Variants in IMMP2L observed in about 807,000 individuals in gnomAD.
IMMP2L encodes the protein mitochondrial inner membrane protease subunit 2.
A neutral mutation model predicts 19.3 loss-of-function variants in IMMP2L; 18 were observed. The observed-to-expected ratio is 0.93, with a 90% CI of 0.64 to 1.38. The LOEUF (loss-of-function observed/expected upper bound fraction) is 1.38. IMMP2L is among the 40% of genes most tolerant of loss of function. IMMP2L has a pLI of 0.00. For missense variants in IMMP2L, 233 were observed against 218.2 expected (o/e 1.07, Z -0.43); for synonymous variants, 76 against 73.0 (o/e 1.04, Z -0.21).
intron 4 of IMMP2L, among the ~76,000 whole-genome samples, chr7:110,928,933 G>A (rs1193419420): frequency 6.6e-6 from 1 of 152,060 alleles, no homozygotes; most frequent in Non-Finnish European, 1.5e-5. Flanking sequence ...TCCTGGTGCT[G>A]ATCTCCACCT....
At chr7:111,114,639 G>T (rs1349490423) in intron 3 of IMMP2L, among the ~76,000 whole-genome samples, 2 of 151,650 alleles carry the variant, frequency 1.3e-5, no homozygotes, top group African/African-American at 4.9e-5. Context: ...GGGAGGCTGA[G>T]GCAGGAGAAT....
intron 3 of IMMP2L, among the ~76,000 whole-genome samples, chr7:111,039,154 T>G (rs1791639663): frequency 6.6e-6 from 1 of 152,180 alleles, no homozygotes; most frequent in African/African-American, 2.4e-5. Flanking sequence ...ATTTTTCACA[T>G]ATGAGTTCAC....
chr7:111,186,935 C>CT (rs1365522031), intron 3 of IMMP2L, among the ~76,000 whole-genome samples: 5 of 151,158 alleles, frequency 3.3e-5, no homozygotes. Context: ...CTCGTCCTTG[C>CT]TTTTTTTAAA....
chr7:111,083,990 CAGTAAGA>C (rs1481249041), intron 3 of IMMP2L, among the ~76,000 whole-genome samples: 3 of 151,868 alleles, frequency 2.0e-5, no homozygotes, highest in African/African-American at 7.3e-5. Context: ...GAAGAGTGAA[CAGTAAGA>C]AGTAGGCTTG....
chr7:110,837,577 G>A (rs187431115), intron 5 of IMMP2L, among the ~76,000 whole-genome samples: 166 of 152,120 alleles, frequency 1.1e-3, no homozygotes, highest in Non-Finnish European at 2.0e-3. Flanking sequence ...ATTTACTTCC[G>A]TAGGGTTCTA....
chr7:111,031,786 T>A (rs1264167170), intron 3 of IMMP2L, among the ~76,000 whole-genome samples: 2 of 152,138 alleles, frequency 1.3e-5, no homozygotes, highest in Admixed American at 6.5e-5. Context: ...TGCAGAAACC[T>A]GGCAAACATT....
At chr7:111,353,123 T>C (rs1828351647) in intron 3 of IMMP2L, among the ~76,000 whole-genome samples, 1 of 152,220 alleles carries the variant, frequency 6.6e-6, no homozygotes, top group Non-Finnish European at 1.5e-5. Flanking sequence ...AGAAGCAGGC[T>C]GTGCAGCCAT....
intron 3 of IMMP2L, among the ~76,000 whole-genome samples, chr7:111,231,024 C>CTGTGTGTGTG (rs60629485): frequency 2.9e-4 from 42 of 147,088 alleles, no homozygotes; most frequent in Middle Eastern, 3.5e-3. Context: ...TAAGTAGTGG[C>CTGTGTGTGTG]TGTGTGTGTG....
At chr7:111,490,298 T>G (rs984636112) in intron 2 of IMMP2L, among the ~76,000 whole-genome samples, 4 of 150,050 alleles carry the variant, frequency 2.7e-5, no homozygotes, top group African/African-American at 4.9e-5. Context: ...TTTTTTTTTT[T>G]AGAGATGGGA....
At chr7:110,888,631 G>C (rs1810465672) in intron 4 of IMMP2L, among the ~76,000 whole-genome samples, 1 of 152,158 alleles carries the variant, frequency 6.6e-6, no homozygotes, top group Admixed American at 6.5e-5. Context: ...ACTTGTGATA[G>C]AAAGCAACAG....
intron 1 of IMMP2L, among the ~76,000 whole-genome samples, chr7:111,559,042 G>A (rs1791708803): frequency 6.6e-6 from 1 of 152,060 alleles, no homozygotes; most frequent in African/African-American, 2.4e-5. Flanking sequence ...ATCTGACCAG[G>A]TGCTCATTTT....
In IMMP2L at chr7:110,809,605, T is replaced by C. The variant is rs80228448; in HGVS notation, c.408+76988A>G. Among the ~76,000 whole-genome samples the C allele has an allele frequency of 3.7e-4, 57 of 152,130 alleles. No homozygotes were observed. In the East Asian group the frequency reaches 0.01, roughly 27 times the overall value. ...AAACGGGCCAGACCAAAAGGTAATA[T>C]TACTTTATGTAAAATACATTATGAA... On this transcript the variant is annotated intron_variant, in intron 5 of 5. Transcript: ENST00000405709.
At chr7:111,519,157 G>A (rs746030632) in intron 2 of IMMP2L, among the ~76,000 whole-genome samples, 19 of 152,098 alleles carry the variant, frequency 1.2e-4, no homozygotes, top group Non-Finnish European at 2.5e-4. Context: ...TCTCTCTCAG[G>A]CGGTGAAGAA....
In IMMP2L at chr7:111,041,191, T is replaced by G. The variant is rs936605549; in HGVS notation, c.240-77626A>C. Among the ~76,000 whole-genome samples the G allele has an allele frequency of 1.4e-4, 21 of 152,090 alleles. 1 individual carries two copies. Among genetic ancestry groups the G allele is most frequent in the Admixed American group, 7.2e-4 (11 of 15,268 alleles). Reference sequence around the variant, plus strand: ...CTGGGGCTCACAAATTTTTGAAATTTTTTCATTAAAAAATATGTAAGTGCC... The same window carrying G: ...CTGGGGCTCACAAATTTTTGAAATTGTTTCATTAAAAAATATGTAAGTGCC... On this transcript the variant is annotated intron_variant, in intron 3 of 5. Coordinates refer to ENST00000405709, the MANE Select transcript of IMMP2L (RefSeq NM_032549.4).
intron 5 of IMMP2L, among the ~76,000 whole-genome samples, chr7:110,793,378 C>T (rs1249626451): frequency 6.6e-6 from 1 of 151,906 alleles, no homozygotes; most frequent in African/African-American, 2.4e-5. Context: ...CGAGTCCACA[C>T]CACTGCACTC....
intron 3 of IMMP2L, among the ~76,000 whole-genome samples, chr7:111,139,226 T>C (rs572534564): frequency 2.0e-4 from 31 of 152,202 alleles, no homozygotes; most frequent in African/African-American, 7.2e-4. Context: ...AAGACACCAT[T>C]TTAAAGCTCT....
chr7:111,392,856 C>G (rs1199468110), intron 3 of IMMP2L: 1 of 456,422 alleles, frequency 2.2e-6, no homozygotes, highest in Admixed American at 2.4e-5. Flanking sequence ...GGAGGTAAAT[C>G]TAGTGAGGTC....
chr7:111,196,557 T>A (rs2129614332), intron 3 of IMMP2L, among the ~76,000 whole-genome samples: 1 of 152,314 alleles, frequency 6.6e-6, no homozygotes, highest in Admixed American at 6.5e-5. Context: ...TAAAAGGGAC[T>A]TTTTAAAAAA....
At chr7:111,357,234 T>G (rs1000838077) in intron 3 of IMMP2L, among the ~76,000 whole-genome samples, 2 of 152,184 alleles carry the variant, frequency 1.3e-5, no homozygotes, top group Non-Finnish European at 2.9e-5. Flanking sequence ...AAAACTCATT[T>G]AAAACCTATT....
Sources: gnomAD v4.1 joint callset for allele counts (sites outside exome capture counted in the v4.1 genomes callset) on GRCh38, gnomAD v4.1.1 for gene constraint, MANE v1.5 for transcripts, NCBI Gene and HGNC (gene_info 2026-07-23, HGNC 2026-07-21) for gene names.